Variants in UBE2O observed in about 807,000 individuals in gnomAD.
UBE2O encodes the protein ubiquitin conjugating enzyme E2 O.
Under a neutral mutation model 125.8 loss-of-function variants are expected in UBE2O, and 15 were observed. That is an observed-to-expected ratio of 0.12 (90% CI 0.08 to 0.18). The LOEUF (loss-of-function observed/expected upper bound fraction) is 0.18. Among genes scored for constraint, UBE2O ranks in the 10% least tolerant of loss-of-function variants. The pLI is 1.00. For missense variants in UBE2O, 1,280 were observed against 1,723.6 expected, an observed-to-expected ratio of 0.74 and a Z score of 4.56; for synonymous variants, 708 against 703.2, an observed-to-expected ratio of 1.01 and a Z score of -0.11.
chr17:76,418,569 GTTTTT>G (rs33997542), intron 1 of UBE2O, among the ~76,000 whole-genome samples: 1 of 144,802 alleles, frequency 6.9e-6, no homozygotes, highest in Non-Finnish European at 1.5e-5. Flanking sequence ...GGAGGAACAG[GTTTTT>G]TTTTTTTTTT....
At chr17:76,438,291 T>G (rs752330855) in intron 1 of UBE2O, among the ~76,000 whole-genome samples, 1 of 152,316 alleles carries the variant, frequency 6.6e-6, no homozygotes, top group East Asian at 1.9e-4. Flanking sequence ...GGAATGTACT[T>G]AATGGCACTG....
In UBE2O at chr17:76,402,157, A is replaced by G. The variant is rs1462721883; in HGVS notation, c.687-30T>C. 1 of 1,609,450 alleles carries G rather than the reference A, an allele frequency of 6.2e-7. No homozygotes were observed. Among genetic ancestry groups the G allele is most frequent in the East Asian group, 2.2e-5 (1 of 44,840 alleles). On this transcript the variant is annotated intron_variant, in intron 4 of 17. Coordinates refer to ENST00000319380, the MANE Select transcript of UBE2O (RefSeq NM_022066.4). The surrounding 1 kb of genome is among the most constrained non-coding windows in gnomAD (Gnocchi z 5.4). ...AACAGAGAACAGAGGTTTGGTCTCC[A>G]CCAGGGGACACAGTGAGTACCAAAA...
chr17:76,399,837 C>A lies in UBE2O; in HGVS notation c.1240G>T (p.Asp414Tyr). ...TTGGATTCCCCCTTCTTGTCTGGGT[C>A]TTCCATGGAATGGTCCCGGGAACAC... Reference protein sequence around the residue: ...TQCSRDHSMEDPDKKGESKTK... With the variant: ...TQCSRDHSMEYPDKKGESKTK... The change falls in exon 9 of 18, where the codon GAC becomes TAC. Residue 414 changes from aspartate (D) to tyrosine (Y), a missense_variant. Physicochemically the swap from Asp to Tyr is radical, Grantham distance 160. Transcript: ENST00000319380. The surrounding 1 kb of genome is among the most constrained non-coding windows in gnomAD (Gnocchi z 6.9). The A allele has an allele frequency of 6.2e-7, 1 of 1,614,182 alleles. No individual in the cohort carries two copies.
chr17:76,397,679 G>T, intron 13 of UBE2O, 120 bp downstream of exon 13: 1 of 987,628 alleles, frequency 1.0e-6, no homozygotes. Context: ...TTCCCCTCAC[G>T]CTTTCGCTGA....
chr17:76,446,511 G>T lies in UBE2O; in HGVS notation c.417+6214C>A, dbSNP rs144974379. ...AACAGAGAGAAACAGGGATAAAAGT[G>T]AAGTAGAGATGGGGAAGGTGCAAAG... On this transcript the variant is annotated intron_variant, in intron 1 of 17. Coordinates refer to ENST00000319380, the MANE Select transcript of UBE2O (RefSeq NM_022066.4). 8.4e-3 allele frequency among the ~76,000 whole-genome samples: 1,286 copies of T among 152,212 alleles called. 12 individuals are homozygous for T. Among genetic ancestry groups the T allele is most frequent in the Non-Finnish European group, 0.011 (780 of 68,012 alleles).
Position 76,452,175 on chromosome 17 carries a change from G to A in UBE2O, c.417+550C>T, listed in dbSNP as rs941749601. Among the ~76,000 whole-genome samples, 1 of 152,130 alleles carries A rather than the reference G, an allele frequency of 6.6e-6. No individual in the cohort carries two copies. Among genetic ancestry groups the A allele is most frequent in the Non-Finnish European group, 1.5e-5 (1 of 68,044 alleles). ...AAGTTCCCTGCAGCAATTAAAAGGAGGCAGCAGGGTAAAACAAAAAGAGGC... is the reference window on the plus strand; with the variant it reads ...AAGTTCCCTGCAGCAATTAAAAGGAAGCAGCAGGGTAAAACAAAAAGAGGC... On this transcript the variant is annotated intron_variant, in intron 1 of 17. Coordinates refer to ENST00000319380, the MANE Select transcript of UBE2O (RefSeq NM_022066.4). The surrounding 1 kb of genome is among the most constrained non-coding windows in gnomAD (Gnocchi z 4.4).
intron 1 of UBE2O, among the ~76,000 whole-genome samples, chr17:76,448,014 A>G (rs2073178230): frequency 6.6e-6 from 1 of 152,174 alleles, no homozygotes; most frequent in Non-Finnish European, 1.5e-5. Context: ...TTGCAGAGGG[A>G]GAAAATGAGG....
intron 1 of UBE2O, among the ~76,000 whole-genome samples, chr17:76,448,969 A>G (rs11657501): frequency 0.27 from 40,826 of 152,222 alleles, 6,133 homozygotes; most frequent in East Asian, 0.49. Context: ...GAAGAAGCAT[A>G]TAAGAGACAC....
At chr17:76,424,862 T>A (rs1968767) in intron 1 of UBE2O, among the ~76,000 whole-genome samples, 69,839 of 149,920 alleles carry the variant, frequency 0.47, 18,737 homozygotes, top group Non-Finnish European at 0.6. Context: ...TTTTTTTTTT[T>A]ATTTTTTATT....
At position 76,402,833 on chromosome 17, in the gene UBE2O, C is replaced by G; in HGVS notation, c.589-134G>C. The G allele has an allele frequency of 1.4e-6, 1 of 733,674 alleles. No homozygotes were observed. The highest frequency in any genetic ancestry group is 2.4e-6 in the Non-Finnish European group (1 of 423,268). The allele number at this position is 733,674 out of a possible 1,614,324, so 45.4% of individuals were successfully genotyped here. A position where few individuals can be genotyped will look rare whatever the true frequency, so the allele number is the denominator to read the frequency against. ...GCTCACTGACTGGACCGGTTGGCTA[C>G]TAGCCCTAAACAGCTGCTGCAGCAG... On this transcript the variant is annotated intron_variant, in intron 3 of 17. Coordinates refer to ENST00000319380, the MANE Select transcript of UBE2O (RefSeq NM_022066.4). The surrounding 1 kb of genome is among the most constrained non-coding windows in gnomAD (Gnocchi z 5.4).
At chr17:76,435,190 C>G (rs143864853) in intron 1 of UBE2O, among the ~76,000 whole-genome samples, 1 of 152,100 alleles carries the variant, frequency 6.6e-6, no homozygotes, top group East Asian at 1.9e-4. Flanking sequence ...AAGCTCTGAC[C>G]TGCCAAATAC....
intron 1 of UBE2O, among the ~76,000 whole-genome samples, chr17:76,438,129 C>T (rs571052212): frequency 5.9e-5 from 9 of 152,172 alleles, no homozygotes; most frequent in African/African-American, 2.2e-4. Context: ...GGTAGGTGAC[C>T]ACATGTCTAC....
At chr17:76,423,375 A>G (rs2072740682) in intron 1 of UBE2O, among the ~76,000 whole-genome samples, 1 of 147,074 alleles carries the variant, frequency 6.8e-6, no homozygotes, top group African/African-American at 2.5e-5. Context: ...GTAAGACCCT[A>G]TCTCTAAAAA....
rs935256388 is a variant in UBE2O, at chr17:76,452,968, G to A, written c.174C>T (p.Arg58=). ...ACACCAGGTCGTGAGAAAACAGCAG[G>A]CGCTGCGAGCCGGCTTCTGGGCCGG... ...SDSGPEAGSQ[R]LLFSHDLVSG... The change falls in exon 1 of 18, where the codon CGC becomes CGT. Residue 58 remains arginine (R), a synonymous_variant. Coordinates refer to ENST00000319380, the MANE Select transcript of UBE2O (RefSeq NM_022066.4). The surrounding 1 kb of genome is among the most constrained non-coding windows in gnomAD (Gnocchi z 4.4). 4 of 1,495,304 alleles carry A rather than the reference G, an allele frequency of 2.7e-6. No homozygotes were observed. Among genetic ancestry groups the A allele is most frequent in the Non-Finnish European group, 2.7e-6 (3 of 1,122,332 alleles). The allele number at this position is 1,495,304 out of a possible 1,614,324, so 92.6% of individuals were successfully genotyped here. A position where few individuals can be genotyped will look rare whatever the true frequency, so the allele number is the denominator to read the frequency against.
Position 76,405,138 on chromosome 17 carries a change from C to A in UBE2O, c.588+68G>T. ...GCAAGAGCACGGAGGAGGCTGTAGC[C>A]CAGAGGTCGTGCCGCCGAGAGAACC... On this transcript the variant is annotated intron_variant, in intron 3 of 17. Coordinates refer to ENST00000319380, the MANE Select transcript of UBE2O (RefSeq NM_022066.4). This position sits in a 1 kb window ranked among gnomAD's most constrained non-coding sequence, Gnocchi z 6.1. 8.0e-7 allele frequency: 1 copy of A among 1,243,648 alleles called. No individual in the cohort carries two copies. The highest frequency in any genetic ancestry group is 1.1e-6 in the Non-Finnish European group (1 of 873,420). The allele number at this position is 1,243,648 out of a possible 1,614,324, so 77.0% of individuals were successfully genotyped here.
At position 76,402,144 on chromosome 17, in the gene UBE2O, A is replaced by T; in HGVS notation, c.687-17T>A. ...ATGGAGCACCTAAAACAGAGAACAGAGGTTTGGTCTCCACCAGGGGACACA... is the reference window on the plus strand; with the variant it reads ...ATGGAGCACCTAAAACAGAGAACAGTGGTTTGGTCTCCACCAGGGGACACA... On this transcript the variant is annotated splice_polypyrimidine_tract_variant and intron_variant, in intron 4 of 17. Transcript: ENST00000319380. This position sits in a 1 kb window ranked among gnomAD's most constrained non-coding sequence, Gnocchi z 5.4. The T allele has an allele frequency of 1.2e-6, 2 of 1,612,708 alleles. No homozygotes were observed. The highest frequency in any genetic ancestry group is 1.7e-6 in the Non-Finnish European group (2 of 1,179,640).
rs865958700 is a variant in UBE2O, at chr17:76,446,107, A to C, written c.417+6618T>G. On this transcript the variant is annotated intron_variant, in intron 1 of 17. Coordinates refer to ENST00000319380, the MANE Select transcript of UBE2O (RefSeq NM_022066.4). ...CCCCTTTTGATTGTCATTTTAAATCAGCAACTCCCCATCGCCATCCAGAAG... is the reference window on the plus strand; with the variant it reads ...CCCCTTTTGATTGTCATTTTAAATCCGCAACTCCCCATCGCCATCCAGAAG... Among the ~76,000 whole-genome samples the C allele has an allele frequency of 2.6e-5, 4 of 152,378 alleles. No homozygotes were observed. In the South Asian group the frequency reaches 6.2e-4, roughly 24 times the overall value.
chr17:76,425,258 A>G (rs1206272788), intron 1 of UBE2O, among the ~76,000 whole-genome samples: 1 of 149,966 alleles, frequency 6.7e-6, no homozygotes, highest in Non-Finnish European at 1.5e-5. Flanking sequence ...AAAGTAAAAG[A>G]AAAAAATGTG....
Position 76,398,308 on chromosome 17 carries a change from T to C in UBE2O, c.1972A>G (p.Ile658Val), listed in dbSNP as rs781583542. Reference sequence around the variant, plus strand: ...TCAGTATTGCCGATGCGGATGACGATGTCAGTTGTACGGAACCTAAAGTCA... The same window carrying C: ...TCAGTATTGCCGATGCGGATGACGACGTCAGTTGTACGGAACCTAAAGTCA... Reference protein sequence around the residue: ...HPDFRFRTTDIVIRIGNTEDG... With the variant: ...HPDFRFRTTDVVIRIGNTEDG... The change falls in exon 12 of 18, where the codon ATC becomes GTC. Residue 658 changes from isoleucine (I) to valine (V), a missense_variant. Ile to Val is a conservative substitution (Grantham distance 29). Coordinates refer to ENST00000319380, the MANE Select transcript of UBE2O (RefSeq NM_022066.4). The surrounding 1 kb of genome is among the most constrained non-coding windows in gnomAD (Gnocchi z 5.4). 4 of 1,614,176 alleles carry C rather than the reference T, an allele frequency of 2.5e-6. No individual in the cohort carries two copies. Among genetic ancestry groups the C allele is most frequent in the South Asian group, 1.1e-5 (1 of 91,082 alleles).
Sources: gnomAD v4.1 joint callset for allele counts (sites outside exome capture counted in the v4.1 genomes callset) on GRCh38, gnomAD v4.1.1 for gene constraint, Gnocchi (gnomAD v3.1) non-coding constraint, MANE v1.5 for transcripts, NCBI Gene and HGNC (gene_info 2026-07-23, HGNC 2026-07-21) for gene names.